The following CFAP299 variants were observed in gnomAD, a reference collection of about 807,000 sequenced individuals.
CFAP299 encodes cilia- and flagella-associated protein 299.
CFAP299 carries 21 observed loss-of-function variants against 27.0 expected under a neutral mutation model. The observed-to-expected ratio is 0.78, with a 90% CI of 0.55 to 1.12. The LOEUF (loss-of-function observed/expected upper bound fraction) is 1.12, where lower values mean the gene tolerates loss of function less well. CFAP299 is among the 50% of genes most tolerant of loss of function. The pLI is 0.00. For synonymous variants in CFAP299, 104 were observed against 98.1 expected, an observed-to-expected ratio of 1.06 and a Z score of -0.36; for missense variants, 310 against 276.6, an observed-to-expected ratio of 1.12 and a Z score of -0.86.
chr4:80,712,906 ATC>A (rs1416812816), intron 3 of CFAP299, among the ~76,000 whole-genome samples: 3 of 152,064 alleles, frequency 2.0e-5, no homozygotes, highest in Non-Finnish European at 4.4e-5. Flanking sequence ...CCATTTCCTC[ATC>A]TCTCTTAGTG....
intron 2 of CFAP299, chr4:80,387,282 T>G (rs1725066915): frequency 6.2e-7 from 1 of 1,611,716 alleles, no homozygotes; most frequent in African/African-American, 1.3e-5. Flanking sequence ...TGGCTCTTGA[T>G]GTGCTCCAGA....
intron 3 of CFAP299, among the ~76,000 whole-genome samples, chr4:80,633,263 A>G (rs1191553379): frequency 6.6e-6 from 1 of 152,160 alleles, no homozygotes; most frequent in African/African-American, 2.4e-5. Context: ...CCTGGCAAGC[A>G]TGGTGAAACC....
At chr4:80,722,260 A>G (rs1301988302) in intron 3 of CFAP299, among the ~76,000 whole-genome samples, 1 of 152,036 alleles carries the variant, frequency 6.6e-6, no homozygotes, top group Non-Finnish European at 1.5e-5. Flanking sequence ...TCTACTAAAA[A>G]TACAAAACTA....
chr4:80,397,068 G>T (rs1335506369), intron 2 of CFAP299, among the ~76,000 whole-genome samples: 1 of 151,124 alleles, frequency 6.6e-6, no homozygotes, highest in Non-Finnish European at 1.5e-5. Flanking sequence ...GCCTGTTATT[G>T]GTCTATTCGG....
chr4:80,870,450 G>A, intron 4 of CFAP299: 1 of 1,021,762 alleles, frequency 9.8e-7, no homozygotes, highest in Non-Finnish European at 1.2e-6. Context: ...GGTCTGTCCA[G>A]AAGCCTCAAG....
chr4:80,750,471 C>T (rs1354057476), intron 3 of CFAP299, among the ~76,000 whole-genome samples: 2 of 152,100 alleles, frequency 1.3e-5, no homozygotes, highest in African/African-American at 4.8e-5. Context: ...AATAGGAATC[C>T]ACCTGTGGCT....
chr4:80,544,819 A>C (rs1404747869), intron 2 of CFAP299, among the ~76,000 whole-genome samples: 1 of 152,190 alleles, frequency 6.6e-6, no homozygotes, highest in African/African-American at 2.4e-5. Flanking sequence ...GCAGAAAAGT[A>C]ACAAAGATAT....
chr4:80,507,000 G>T (rs1396611231), intron 2 of CFAP299, among the ~76,000 whole-genome samples: 1 of 152,138 alleles, frequency 6.6e-6, no homozygotes, highest in African/African-American at 2.4e-5. Flanking sequence ...TTCCAGGGTT[G>T]TTTGCATTTT....
At chr4:80,674,140 G>C (rs1446342026) in intron 3 of CFAP299, among the ~76,000 whole-genome samples, 1 of 152,172 alleles carries the variant, frequency 6.6e-6, no homozygotes, top group Non-Finnish European at 1.5e-5. Flanking sequence ...AATTTGGCAT[G>C]TTTTTGCAGT....
At chr4:80,667,282 A>G (rs1741189893) in intron 3 of CFAP299, among the ~76,000 whole-genome samples, 1 of 152,202 alleles carries the variant, frequency 6.6e-6, no homozygotes, top group Admixed American at 6.5e-5. Context: ...TGTAAAGATC[A>G]AATCAGTGTA....
chr4:80,558,366 G>GTTTGTTTT (rs1734883720), intron 2 of CFAP299, among the ~76,000 whole-genome samples: 1 of 129,818 alleles, frequency 7.7e-6, no homozygotes, highest in East Asian at 2.3e-4. Flanking sequence ...TTGTTTGTTT[G>GTTTGTTTT]TTTTTTTTTT....
At chr4:80,921,934 A>C (rs995552475) in intron 4 of CFAP299, among the ~76,000 whole-genome samples, 10 of 152,022 alleles carry the variant, frequency 6.6e-5, no homozygotes, top group Non-Finnish European at 1.5e-4. Flanking sequence ...TAAAACATGG[A>C]TGTCTCAAAA....
chr4:80,750,552 CA>C (rs1724877561), intron 3 of CFAP299, among the ~76,000 whole-genome samples: 1 of 152,110 alleles, frequency 6.6e-6, no homozygotes, highest in Admixed American at 6.5e-5. Flanking sequence ...GATAAGAAAA[CA>C]TAGTGGTCAT....
intron 3 of CFAP299, among the ~76,000 whole-genome samples, chr4:80,831,457 C>T (rs375647690): frequency 6.6e-5 from 10 of 152,152 alleles, no homozygotes; most frequent in South Asian, 4.1e-4. Context: ...AACTTCCCAA[C>T]GAGGCCAATC....
intron 3 of CFAP299, among the ~76,000 whole-genome samples, chr4:80,626,896 T>A (rs1738936799): frequency 6.6e-6 from 1 of 151,912 alleles, no homozygotes; most frequent in Non-Finnish European, 1.5e-5. Context: ...ACATCACTGC[T>A]GAATTCTATC....
rs144454442 is a variant in CFAP299 at position 80,590,435 on chromosome 4, G to A, written c.333+7252G>A. ...GGGCAGATCACGAGGTCAGGAGTTC[G>A]AGACCAGCCTGACCAACATGGTGAA... is the stretch of plus-strand genomic sequence containing the variant. On this transcript the variant is annotated intron_variant, in intron 3 of 5. Transcript: ENST00000358105. Among the ~76,000 whole-genome samples, 1,187 of 152,178 alleles carry A rather than the reference G, an allele frequency of 7.8e-3. 16 individuals are homozygous for A. The highest frequency in any genetic ancestry group is 0.027 in the African/African-American group (1,126 of 41,502).
chr4:80,849,243 G>A (rs900948118), intron 3 of CFAP299, among the ~76,000 whole-genome samples: 3 of 151,748 alleles, frequency 2.0e-5, no homozygotes, highest in East Asian at 1.9e-4. Flanking sequence ...AGCCTACACC[G>A]GGTCAGGATC....
intron 2 of CFAP299, among the ~76,000 whole-genome samples, chr4:80,379,606 A>G (rs971766914): frequency 2.0e-5 from 3 of 149,686 alleles, no homozygotes; most frequent in Admixed American, 6.7e-5. Context: ...TTTCATTTCT[A>G]TGTTTATTTT....
intron 1 of CFAP299, among the ~76,000 whole-genome samples, chr4:80,355,542 A>G (rs571463912): frequency 6.6e-6 from 1 of 152,138 alleles, no homozygotes; most frequent in Admixed American, 6.5e-5. Context: ...TATTTTTAGT[A>G]GAGACTGGGT....
Sources: allele counts gnomAD v4.1 joint callset (sites outside exome capture counted in the v4.1 genomes callset), GRCh38; gene constraint gnomAD v4.1.1; transcripts MANE v1.5; gene names NCBI Gene and HGNC (gene_info 2026-07-23, HGNC 2026-07-21).